Variants in CACNA1E observed in about 807,000 individuals in gnomAD.
The protein encoded by CACNA1E is calcium voltage-gated channel subunit alpha1 E, also known as voltage-dependent R-type calcium channel subunit alpha-1E.
Under a neutral mutation model 259.2 loss-of-function variants are expected in CACNA1E, and 40 were observed. The ratio of observed to expected loss-of-function variants is 0.15; its 90% CI spans 0.12 to 0.20. CACNA1E has a LOEUF of 0.20. Ranked by LOEUF, CACNA1E falls within the 10% of genes least tolerant of loss-of-function variation. The pLI, the probability that CACNA1E is intolerant of heterozygous loss-of-function variation, is 1.00. For missense variants in CACNA1E, 1,874 were observed against 3,040.1 expected, an observed-to-expected ratio of 0.62 and a Z score of 9.02; for synonymous variants, 1,104 against 1,138.5, an observed-to-expected ratio of 0.97 and a Z score of 0.61.
At chr1:181,351,018 C>T (rs1334320588) in intron 1 of CACNA1E, among the ~76,000 whole-genome samples, 11 of 152,098 alleles carry the variant, frequency 7.2e-5, no homozygotes, top group Non-Finnish European at 1.6e-4. Flanking sequence ...CACACAGAGG[C>T]AGAGAAAAAC....
Position 181,732,735 on chromosome 1 carries a change from G to A in CACNA1E, c.2649G>A (p.Trp883Ter). The change falls in exon 20 of 48, where the codon TGG becomes TGA. Residue 883 changes from tryptophan (W) to a stop codon, truncating the protein, a stop_gained. Coordinates refer to ENST00000367573, the MANE Select transcript of CACNA1E (RefSeq NM_001205293.3). LOFTEE classifies it high-confidence loss of function. This position sits in a 1 kb window ranked among gnomAD's most constrained non-coding sequence, Gnocchi z 5.5. The stretch of plus-strand genomic sequence containing the variant: ...CCCTGGGCCAGCGGGAGCCACCATG[G>A]CTGGCCAGGCCCTGTCATGGAAACT... ...PLSLGQREPPWLARPCHGNCD... is the reference protein window; with the variant it reads ...PLSLGQREPP The A allele has an allele frequency of 6.4e-7, 1 of 1,553,544 alleles. No homozygotes were observed. The highest frequency in any genetic ancestry group is 8.7e-7 in the Non-Finnish European group (1 of 1,150,502).
intron 38 of CACNA1E, among the ~76,000 whole-genome samples, chr1:181,780,944 G>A (rs1013997738): frequency 6.6e-6 from 1 of 152,156 alleles, no homozygotes; most frequent in African/African-American, 2.4e-5. Flanking sequence ...CGCCCCAGCC[G>A]GGGTCAGAAA....
chr1:181,721,589 A>T (rs1654417339), intron 15 of CACNA1E, among the ~76,000 whole-genome samples, 169 bp from the exon 16 acceptor site: 2 of 152,048 alleles, frequency 1.3e-5, no homozygotes, highest in African/African-American at 4.8e-5. Context: ...ACGAAAAAAA[A>T]GTTTAGGATT....
At chr1:181,370,885 C>T (rs1484165458) in intron 1 of CACNA1E, among the ~76,000 whole-genome samples, 1 of 152,206 alleles carries the variant, frequency 6.6e-6, no homozygotes, top group Non-Finnish European at 1.5e-5. Flanking sequence ...ATTTACATTT[C>T]TACCATCAGC....
chr1:181,680,321 G>A (rs1649823716), intron 7 of CACNA1E, among the ~76,000 whole-genome samples: 1 of 152,028 alleles, frequency 6.6e-6, no homozygotes, highest in Admixed American at 6.5e-5. Flanking sequence ...CAGTGGCTAG[G>A]CACTTTCAAG....
intron 2 of CACNA1E, among the ~76,000 whole-genome samples, chr1:181,423,103 G>A (rs140740098): frequency 6.6e-5 from 10 of 152,296 alleles, no homozygotes; most frequent in African/African-American, 2.2e-4. Context: ...TCTATCGCAT[G>A]TGCCTTCATC....
chr1:181,457,532 C>A (rs1661537188), intron 2 of CACNA1E, among the ~76,000 whole-genome samples: 1 of 152,238 alleles, frequency 6.6e-6, no homozygotes, highest in Admixed American at 6.5e-5. Flanking sequence ...TGAGACATTA[C>A]TATGACTGGT....
intron 25 of CACNA1E, among the ~76,000 whole-genome samples, chr1:181,746,672 T>G (rs1178546386): frequency 1.3e-5 from 2 of 152,186 alleles, no homozygotes; most frequent in African/African-American, 2.4e-5. Context: ...CTGTAACTTT[T>G]TTTTTCCTAG....
At chr1:181,644,880 G>T (rs1034150011) in intron 6 of CACNA1E, among the ~76,000 whole-genome samples, 1 of 152,118 alleles carries the variant, frequency 6.6e-6, no homozygotes, top group Non-Finnish European at 1.5e-5. Flanking sequence ...ATCTGTTACA[G>T]CCCCCCATCA....
chr1:181,553,115 A>T (rs1029035345), intron 3 of CACNA1E, among the ~76,000 whole-genome samples: 1 of 152,182 alleles, frequency 6.6e-6, no homozygotes, highest in Non-Finnish European at 1.5e-5. Flanking sequence ...TACGATATTG[A>T]TTCTTCCTAT....
In CACNA1E at chr1:181,776,233, G is replaced by A. The variant is rs2102796431; in HGVS notation, c.5267+5G>A. The stretch of plus-strand genomic sequence containing the variant: ...AGAATATGACCGAGCAGCATGGTGC[G>A]TAGGCCCCTCGGCCGCCCCAGCGGG... On this transcript the variant is annotated splice_donor_5th_base_variant and intron_variant, in intron 38 of 47. Coordinates refer to ENST00000367573, the MANE Select transcript of CACNA1E (RefSeq NM_001205293.3). The surrounding 1 kb of genome is among the most constrained non-coding windows in gnomAD (Gnocchi z 4.4). 1.2e-6 allele frequency: 2 copies of A among 1,613,878 alleles called. No homozygotes were observed. Among genetic ancestry groups the A allele is most frequent in the East Asian group, 2.2e-5 (1 of 44,868 alleles).
At chr1:181,787,182 C>T (rs1353499032) in intron 43 of CACNA1E, among the ~76,000 whole-genome samples, 1 of 152,008 alleles carries the variant, frequency 6.6e-6, no homozygotes, top group Non-Finnish European at 1.5e-5. Flanking sequence ...TGCAGTGGCA[C>T]GATCTCAGCT....
chr1:181,425,530 C>CT (rs1557994155), intron 2 of CACNA1E, among the ~76,000 whole-genome samples: 4 of 114,512 alleles, frequency 3.5e-5, no homozygotes, highest in African/African-American at 1.8e-4. Flanking sequence ...TACACCCCCG[C>CT]TCCCCCCCCC....
At position 181,532,512 on chromosome 1, in the gene CACNA1E, G is replaced by T. The variant is rs559739028; in HGVS notation, c.512+21002G>T. Among the ~76,000 whole-genome samples, 208 of 152,358 alleles carry T rather than the reference G, an allele frequency of 1.4e-3. 1 individual carries two copies. The highest frequency in any genetic ancestry group is 4.9e-3 in the African/African-American group (204 of 41,592). On this transcript the variant is annotated intron_variant, in intron 3 of 47. Coordinates refer to ENST00000367573, the MANE Select transcript of CACNA1E (RefSeq NM_001205293.3). ...TGTGCAGGCCACCTCCAGGGGCAGA[G>T]CACGTTGCACCTGATCTTTCTCTCA...
intron 27 of CACNA1E, among the ~76,000 whole-genome samples, chr1:181,752,879 G>T (rs1330042416): frequency 6.6e-6 from 1 of 152,118 alleles, no homozygotes; most frequent in African/African-American, 2.4e-5. Context: ...CTCCCCTGGG[G>T]TTCCACCTTC....
At chr1:181,326,889 C>T (rs914246367) in intron 1 of CACNA1E, among the ~76,000 whole-genome samples, 1 of 152,140 alleles carries the variant, frequency 6.6e-6, no homozygotes, top group South Asian at 2.1e-4. Flanking sequence ...GACTCTTGTT[C>T]CTCCCTTTTG....
intron 6 of CACNA1E, among the ~76,000 whole-genome samples, chr1:181,586,756 CTT>C (rs909281609): frequency 7.9e-5 from 12 of 152,172 alleles, no homozygotes; most frequent in African/African-American, 2.9e-4. Flanking sequence ...TTCAAAAACT[CTT>C]ATCTATATGC....
chr1:181,625,838 G>A (rs986497232), intron 6 of CACNA1E, among the ~76,000 whole-genome samples: 11 of 152,102 alleles, frequency 7.2e-5, no homozygotes, highest in African/African-American at 2.7e-4. Context: ...CTCAGCCTTC[G>A]CCATGCCTTC....
At chr1:181,328,757 G>C (rs1420277492) in intron 1 of CACNA1E, among the ~76,000 whole-genome samples, 1 of 152,144 alleles carries the variant, frequency 6.6e-6, no homozygotes, top group Non-Finnish European at 1.5e-5. Context: ...TTGAGGGAAG[G>C]TAAGTTGAGT....
Sources: allele counts gnomAD v4.1 joint callset (sites outside exome capture counted in the v4.1 genomes callset), GRCh38; gene constraint gnomAD v4.1.1; non-coding constraint Gnocchi (gnomAD v3.1); transcripts MANE v1.5; gene names NCBI Gene and HGNC (gene_info 2026-07-23, HGNC 2026-07-21).